TSEN15: variants seen among roughly 807,000 people sequenced by gnomAD.
The protein encoded by TSEN15 is tRNA-splicing endonuclease subunit Sen15.
In TSEN15, 10 loss-of-function variants were observed where a neutral mutation model predicts 20.5. The observed-to-expected ratio is 0.49, with a 90% CI of 0.30 to 0.83. TSEN15 has a LOEUF of 0.83. TSEN15 is among the 40% of genes least tolerant of loss of function. The pLI is 0.06. For missense variants in TSEN15, 180 were observed against 218.6 expected, an observed-to-expected ratio of 0.82 and a Z score of 1.11; for synonymous variants, 72 against 80.1, an observed-to-expected ratio of 0.90 and a Z score of 0.54.
chr1:184,062,567 C>T (rs1184612743), intron 3 of TSEN15, among the ~76,000 whole-genome samples: 2 of 151,920 alleles, frequency 1.3e-5, no homozygotes, highest in African/African-American at 2.4e-5. Flanking sequence ...TTATTGAGTA[C>T]CCTAAATGGT....
chr1:184,061,618 A>T (rs1348239065), intron 3 of TSEN15, among the ~76,000 whole-genome samples: 1 of 152,212 alleles, frequency 6.6e-6, no homozygotes, highest in Non-Finnish European at 1.5e-5. Context: ...TTCAGTCACC[A>T]CTTGACTGTT....
chr1:184,053,585 A>T (rs972417105), intron 1 of TSEN15, among the ~76,000 whole-genome samples: 6 of 152,212 alleles, frequency 3.9e-5, no homozygotes, highest in African/African-American at 1.4e-4. Flanking sequence ...GTCTGCTAAT[A>T]ATTCAACTCA....
At chr1:184,080,279 T>G (rs1651142322) in intron 3 of TSEN15, among the ~76,000 whole-genome samples, 1 of 152,194 alleles carries the variant, frequency 6.6e-6, no homozygotes, top group African/African-American at 2.4e-5. Context: ...TGATGTTACT[T>G]ACATGTTATT....
At chr1:184,059,998 A>G (rs1219764268) in intron 3 of TSEN15, among the ~76,000 whole-genome samples, 2 of 152,244 alleles carry the variant, frequency 1.3e-5, no homozygotes, top group African/African-American at 4.8e-5. Flanking sequence ...CATAACTGAC[A>G]GGTTAATTTA....
chr1:184,085,553 TTTAG>T (rs1651248116), intron 3 of TSEN15, among the ~76,000 whole-genome samples: 1 of 151,960 alleles, frequency 6.6e-6, no homozygotes, highest in African/African-American at 2.4e-5. Context: ...GGAATGCAAT[TTTAG>T]TTAGGGTGAC....
chr1:184,071,711 G>C (rs564571386), intron 3 of TSEN15, among the ~76,000 whole-genome samples: 1 of 151,996 alleles, frequency 6.6e-6, no homozygotes, highest in Admixed American at 6.6e-5. Flanking sequence ...ATAAAGGAGG[G>C]TGAGAGGAAG....
chr1:184,095,095 G>A, intron 3 of TSEN15: 1 of 398,706 alleles, frequency 2.5e-6, no homozygotes, highest in Non-Finnish European at 4.4e-6. Context: ...GGAAGACGGT[G>A]ACTGTCTTTT....
intron 3 of TSEN15, among the ~76,000 whole-genome samples, chr1:184,065,912 T>C (rs929404534): frequency 1.3e-5 from 2 of 152,220 alleles, no homozygotes; most frequent in Non-Finnish European, 2.9e-5. Context: ...TTATCAGATA[T>C]GTGTTTTACA....
At chr1:184,095,790 G>A (rs925151827) in exon 4 of TSEN15, 6 of 398,228 alleles carry the variant, frequency 1.5e-5, no homozygotes, top group Non-Finnish European at 2.2e-5. Context: ...CCTGCACTTC[G>A]GTCTGGATTT....
downstream of TSEN15, among the ~76,000 whole-genome samples, chr1:184,077,210 A>G (rs1651078814): frequency 1.3e-5 from 2 of 152,114 alleles, no homozygotes; most frequent in African/African-American, 2.4e-5. Flanking sequence ...ATGTTCATTT[A>G]CCATTCTGAA....
intron 3 of TSEN15, among the ~76,000 whole-genome samples, chr1:184,081,164 T>A: frequency 6.6e-6 from 1 of 152,182 alleles, no homozygotes; most frequent in East Asian, 1.9e-4. Flanking sequence ...GTGGCATGTG[T>A]TAAAAGCTTT....
At chr1:184,095,989 C>T in exon 4 of TSEN15, 1 of 363,032 alleles carries the variant, frequency 2.8e-6, no homozygotes, top group Non-Finnish European at 4.9e-6. Flanking sequence ...CAATAATTGC[C>T]ATTGTTATTG....
intron 3 of TSEN15, among the ~76,000 whole-genome samples, chr1:184,064,088 A>G (rs528835348): frequency 6.6e-6 from 1 of 152,270 alleles, no homozygotes; most frequent in South Asian, 2.1e-4. Context: ...GACTTTGCCT[A>G]CAAGATGCTA....
intron 3 of TSEN15, among the ~76,000 whole-genome samples, chr1:184,066,093 T>C (rs1650646242): frequency 6.6e-6 from 1 of 152,202 alleles, no homozygotes; most frequent in Non-Finnish European, 1.5e-5. Context: ...TTTTGTCTTC[T>C]AGAAGTTTTA....
At chr1:184,071,408 TAAAAAG>T (rs1373588012) in intron 3 of TSEN15, among the ~76,000 whole-genome samples, 1 of 151,980 alleles carries the variant, frequency 6.6e-6, no homozygotes, top group East Asian at 1.9e-4. Context: ...CTTAACTTTA[TAAAAAG>T]AAAATTATTT....
chr1:184,055,784 A>G (rs899077259), intron 3 of TSEN15, among the ~76,000 whole-genome samples: 1 of 151,704 alleles, frequency 6.6e-6, no homozygotes, highest in Non-Finnish European at 1.5e-5. Context: ...GTTTTTATTT[A>G]TTTACTTAGT....
At chr1:184,088,669 C>A (rs1651307584) in intron 3 of TSEN15, among the ~76,000 whole-genome samples, 2 of 121,504 alleles carry the variant, frequency 1.6e-5, no homozygotes, top group Admixed American at 1.0e-4. Context: ...GTACACATGT[C>A]ATGTTTAATT....
intron 3 of TSEN15, among the ~76,000 whole-genome samples, chr1:184,063,131 A>G (rs965639760): frequency 6.6e-6 from 1 of 152,114 alleles, no homozygotes; most frequent in East Asian, 1.9e-4. Context: ...TTGTTCCCCT[A>G]GGACCTCAAA....
At chr1:184,096,279 G>A (rs911382063) in exon 4 of TSEN15, 1 of 152,164 alleles carries the variant, frequency 6.6e-6, no homozygotes, top group Non-Finnish European at 1.5e-5. Flanking sequence ...GATGAACTAA[G>A]GGAATGTCTT....
Sources: gnomAD v4.1 joint callset for allele counts (sites outside exome capture counted in the v4.1 genomes callset) on GRCh38, gnomAD v4.1.1 for gene constraint, MANE v1.5 for transcripts, NCBI Gene and HGNC (gene_info 2026-07-23, HGNC 2026-07-21) for gene names.